The following DOCK8 variants were observed in gnomAD, a reference collection of about 807,000 sequenced individuals.
DOCK8 encodes the protein dedicator of cytokinesis protein 8.
A neutral mutation model predicts 245.6 loss-of-function variants in DOCK8; 141 were observed. The observed-to-expected ratio is 0.57, with a 90% CI of 0.50 to 0.66. DOCK8 has a LOEUF of 0.66. Ranked by LOEUF, DOCK8 falls within the 30% of genes least tolerant of loss-of-function variation. The pLI is 0.00. For missense variants in DOCK8, 2,965 were observed against 2,603.4 expected (o/e 1.14, Z -3.02); for synonymous variants, 1,168 against 970.2 (o/e 1.20, Z -3.79).
chr9:356,824 T>C (rs113756553), intron 14 of DOCK8, among the ~76,000 whole-genome samples: 3,524 of 137,522 alleles, frequency 0.026, 132 homozygotes, highest in African/African-American at 0.084. Flanking sequence ...GGAAATCTGC[T>C]AACATGGGCA....
chr9:338,682 G>T (rs2051432827), intron 12 of DOCK8, among the ~76,000 whole-genome samples: 1 of 152,004 alleles, frequency 6.6e-6, no homozygotes, highest in South Asian at 2.1e-4. Context: ...TGTTCCGGGG[G>T]GTAATACTGG....
intron 2 of DOCK8, among the ~76,000 whole-genome samples, chr9:279,108 T>C (rs1253428986): frequency 6.6e-6 from 1 of 152,170 alleles, no homozygotes; most frequent in Admixed American, 6.5e-5. Context: ...GGGTGATATG[T>C]AGAGTGTAGG....
intron 1 of DOCK8, among the ~76,000 whole-genome samples, chr9:218,761 A>G (rs2046819918): frequency 6.6e-6 from 1 of 152,240 alleles, no homozygotes; most frequent in African/African-American, 2.4e-5. Context: ...GAAAGTGTAG[A>G]ATGCAGAAAA....
intron 1 of DOCK8, among the ~76,000 whole-genome samples, chr9:250,343 G>T (rs1239264175): frequency 6.6e-6 from 1 of 152,080 alleles, no homozygotes; most frequent in Non-Finnish European, 1.5e-5. Flanking sequence ...AGTCAAAGGG[G>T]GTGGTTTTGG....
Position 371,460 on chromosome 9 carries a change from A to C in DOCK8, c.1901A>C (p.Lys634Thr), listed in dbSNP as rs752792683. The C allele has an allele frequency of 5.6e-6, 9 of 1,614,220 alleles. No homozygotes were observed. The highest frequency in any genetic ancestry group is 7.6e-6 in the Non-Finnish European group (9 of 1,180,030). The change falls in exon 17 of 48, where the codon AAG becomes ACG. Residue 634 changes from lysine (K) to threonine (T), a missense_variant. Around this residue, in one of 3 missense-constraint regions of DOCK8, gnomAD observed 2,825 missense variants for 2,453.5 expected, o/e 1.15. Transcript: ENST00000432829. ...SPDFYEEVKI[K>T]LPAKLTVNHH... is the part of the protein sequence containing the mutation. ...GACTTTTATGAAGAAGTGAAAATTA[A>C]GCTCCCCGCTAAGCTCACAGTAAAT...
At chr9:238,027 G>A (rs1308464914) in intron 1 of DOCK8, among the ~76,000 whole-genome samples, 1 of 152,172 alleles carries the variant, frequency 6.6e-6, no homozygotes, top group Non-Finnish European at 1.5e-5. Flanking sequence ...AGGAGAAGAT[G>A]AGTCACGTTA....
intron 1 of DOCK8, among the ~76,000 whole-genome samples, chr9:251,158 C>T (rs1022840746): frequency 6.6e-6 from 1 of 152,118 alleles, no homozygotes; most frequent in Non-Finnish European, 1.5e-5. Flanking sequence ...CTGCCCCATC[C>T]CACATTCTAG....
Position 399,190 on chromosome 9 carries a change from C to G in DOCK8, c.3165C>G (p.Phe1055Leu), listed in dbSNP as rs996919704. 6.2e-7 allele frequency: 1 copy of G among 1,614,064 alleles called. No homozygotes were observed. Among genetic ancestry groups the G allele is most frequent in the East Asian group, 2.2e-5 (1 of 44,888 alleles). The change falls in exon 26 of 48, where the codon TTC becomes TTG. Residue 1055 changes from phenylalanine (F) to leucine (L), a missense_variant. Phe to Leu is a conservative substitution (Grantham distance 22, BLOSUM62 0). Transcript: ENST00000432829. ...AEKMNISLAF[F>L]LYDLLSLMDR... ...AGATGAACATCAGCCTGGCTTTCTT[C>G]TTGTATGACCTTCTCTCCCTCATGG... is the stretch of plus-strand genomic sequence containing the variant.
At position 332,435 on chromosome 9, in the gene DOCK8, G is replaced by C; in HGVS notation, c.1082G>C (p.Cys361Ser). The C allele has an allele frequency of 6.2e-7, 1 of 1,613,356 alleles. No homozygotes were observed. Residue 361 changes from cysteine (C) to serine (S), a missense_variant, in exon 10 of 48, where the codon TGT (cysteine) becomes TCT (serine). This residue lies in a region of DOCK8 where 2,825 missense variants were observed against 2,453.5 expected (regional missense o/e 1.15). Coordinates refer to ENST00000432829, the MANE Select transcript of DOCK8 (RefSeq NM_203447.4). The stretch of plus-strand genomic sequence containing the variant: ...CTGCAGCAGGGAGAGATTGGAGACT[G>C]TGCAGAGCCCTACACGGTTATCAAA... ...KVLQQGEIGD[C>S]AEPYTVIKES...
chr9:256,611 T>C (rs925738120), intron 1 of DOCK8, among the ~76,000 whole-genome samples: 2 of 152,156 alleles, frequency 1.3e-5, no homozygotes, highest in Non-Finnish European at 2.9e-5. Flanking sequence ...CTGGGTACTT[T>C]TCCTTGTGAA....
At position 401,122 on chromosome 9, in the gene DOCK8, G is replaced by A. The variant is rs371164730; in HGVS notation, c.3234+1863G>A. Among the ~76,000 whole-genome samples, 13 of 120,976 alleles carry A rather than the reference G, an allele frequency of 1.1e-4. 1 individual carries two copies. The highest frequency in any genetic ancestry group is 3.9e-4 in the African/African-American group (6 of 15,530). 79.4% of individuals were successfully genotyped at this position (120,976 alleles called of 152,430 possible). On this transcript the variant is annotated intron_variant, in intron 26 of 47. Coordinates refer to ENST00000432829, the MANE Select transcript of DOCK8 (RefSeq NM_203447.4). ...TCACCACCTCTCCCATCACCACCAC[G>A]TTCTCTGTGGTTAGTCACTTAGTGA...
chr9:303,849 A>C (rs2130581583), intron 4 of DOCK8, among the ~76,000 whole-genome samples: 1 of 152,376 alleles, frequency 6.6e-6, no homozygotes, highest in African/African-American at 2.4e-5. Flanking sequence ...ATAAAAATAA[A>C]AGTGGCGTGT....
chr9:434,989 A>C lies in DOCK8; in HGVS notation c.5079+14A>C. On this transcript the variant is annotated intron_variant, in intron 39 of 47. Transcript: ENST00000432829. ...GTCAGCTTCCAGGTAGGGTGTGTGC[A>C]GCTTTTCCCTTAGAGCAGTGGTTCT... The C allele has an allele frequency of 6.2e-7, 1 of 1,611,758 alleles. No homozygotes were observed. Among genetic ancestry groups the C allele is most frequent in the South Asian group, 1.1e-5 (1 of 90,976 alleles).
chr9:406,953 C>A lies in DOCK8; in HGVS notation c.3414C>A (p.Phe1138Leu), dbSNP rs781435688. Residue 1138 changes from phenylalanine (F) to leucine (L), a missense_variant, in exon 28 of 48, where the codon TTC becomes TTA. By Grantham distance (22) the Phe-to-Leu change is conservative (BLOSUM62 0). This residue lies in a region of DOCK8 where 2,825 missense variants were observed against 2,453.5 expected (regional missense o/e 1.15). Coordinates refer to ENST00000432829, the MANE Select transcript of DOCK8 (RefSeq NM_203447.4). ...SSQNSSSCSSFQDQKIASMFD... is the reference protein window; with the variant it reads ...SSQNSSSCSSLQDQKIASMFD... ...AGAACTCAAGCTCCTGCTCCAGCTT[C>A]CAGGACCAGAAGATCGCCAGCATGT... 4.6e-5 allele frequency: 74 copies of A among 1,613,966 alleles called. No individual in the cohort carries two copies. The highest frequency in any genetic ancestry group is 6.2e-5 in the Non-Finnish European group (73 of 1,180,022).
At chr9:400,674 TCACCA>T (rs2054918249) in intron 26 of DOCK8, among the ~76,000 whole-genome samples, 1 of 9,360 alleles carries the variant, frequency 1.1e-4, no homozygotes, top group Non-Finnish European at 1.8e-4. Context: ...ACCAGCATCT[TCACCA>T]TCACCACCAC....
At chr9:432,476 G>C (rs2056754469) in intron 37 of DOCK8, 152 bp downstream of exon 37, 2 of 750,558 alleles carry the variant, frequency 2.7e-6, no homozygotes, top group Non-Finnish European at 2.1e-6. Context: ...TCAGCACTCT[G>C]AGAGGTTTTA....
intron 10 of DOCK8, 66 bp from the exon 11 acceptor site, chr9:334,159 C>T: frequency 6.3e-7 from 1 of 1,576,738 alleles, no homozygotes; most frequent in Non-Finnish European, 8.7e-7. Flanking sequence ...CTGTCATATT[C>T]AGGTCAGAGG....
chr9:436,967 A>G (rs1267747007), intron 39 of DOCK8, among the ~76,000 whole-genome samples: 1 of 152,236 alleles, frequency 6.6e-6, no homozygotes, highest in African/African-American at 2.4e-5. Flanking sequence ...AGGAAGGCAG[A>G]AGAAACTGAA....
At chr9:452,359 A>G in intron 46 of DOCK8, 1 of 329,930 alleles carries the variant, frequency 3.0e-6, no homozygotes, top group Non-Finnish European at 5.7e-6. Context: ...ACACTACTTG[A>G]ACTACTAATG....
Sources: allele counts gnomAD v4.1 joint callset (sites outside exome capture counted in the v4.1 genomes callset), GRCh38; gene constraint gnomAD v4.1.1; regional missense constraint gnomAD v4.1.1; transcripts MANE v1.5; gene names NCBI Gene and HGNC (gene_info 2026-07-23, HGNC 2026-07-21).